Variants in COL4A1 observed in about 807,000 individuals in gnomAD.
The protein encoded by COL4A1 is collagen alpha-1(IV) chain.
In COL4A1, 40 loss-of-function variants were observed where a neutral mutation model predicts 216.6. The observed-to-expected ratio is 0.18, with a 90% confidence interval of 0.14 to 0.24. The LOEUF is 0.24. Ranked by LOEUF, COL4A1 falls within the 10% of genes least tolerant of loss-of-function variation. The pLI is 1.00. For synonymous variants in COL4A1, 839 were observed against 810.7 expected, an observed-to-expected ratio of 1.03 and a Z score of -0.59; for missense variants, 1,628 against 2,196.8, an observed-to-expected ratio of 0.74 and a Z score of 5.18.
At chr13:110,261,385 G>C (rs1882819663) in intron 1 of COL4A1, among the ~76,000 whole-genome samples, 1 of 152,204 alleles carries the variant, frequency 6.6e-6, no homozygotes, top group African/African-American at 2.4e-5. Flanking sequence ...CCACCTCTCG[G>C]ATTTGGGAGC....
At chr13:110,272,919 G>A (rs542004274) in intron 1 of COL4A1, among the ~76,000 whole-genome samples, 2 of 152,304 alleles carry the variant, frequency 1.3e-5, no homozygotes, top group Middle Eastern at 3.4e-3. Context: ...TGGACCCCAG[G>A]CATCGCTCCT....
At chr13:110,272,584 G>T (rs147017009) in intron 1 of COL4A1, among the ~76,000 whole-genome samples, 1 of 152,250 alleles carries the variant, frequency 6.6e-6, no homozygotes, top group African/African-American at 2.4e-5. Context: ...AAGAAAAGGG[G>T]GGGAACTCTT....
Position 110,211,888 on chromosome 13 carries a change from G to A in COL4A1, c.422C>T (p.Pro141Leu). ...ACTCACGGGATTTCCAGCGAAACCAGGCAAGCCAGGAGGCCCGAGCGGCCC... is the reference window on the plus strand; with the variant it reads ...ACTCACGGGATTTCCAGCGAAACCAAGCAAGCCAGGAGGCCCGAGCGGCCC... ...ERGPLGPPGL[P>L]GFAGNPGPPG... The change falls in exon 7 of 52, where the codon CCT becomes CTT. Residue 141 changes from proline (P) to leucine (L), a missense_variant. Transcript: ENST00000375820. This position sits in a 1 kb window ranked among gnomAD's most constrained non-coding sequence, Gnocchi z 4.3. 6.2e-7 allele frequency: 1 copy of A among 1,614,146 alleles called. No homozygotes were observed. The highest frequency in any genetic ancestry group is 8.5e-7 in the Non-Finnish European group (1 of 1,180,016).
At chr13:110,209,742 A>G in intron 10 of COL4A1, 1 of 757,370 alleles carries the variant, frequency 1.3e-6, no homozygotes, top group Non-Finnish European at 2.4e-6. Flanking sequence ...CCATGACTGC[A>G]TTATTTGTTT....
At position 110,169,624 on chromosome 13, in the gene COL4A1, C is replaced by G; in HGVS notation, c.3876+5G>C. ...AAAATAAAAATCTACAAATCAATAACTCACAGGCATGCCCTGGAATCCAGG... is the reference window on the plus strand; with the variant it reads ...AAAATAAAAATCTACAAATCAATAAGTCACAGGCATGCCCTGGAATCCAGG... On this transcript the variant is annotated splice_donor_5th_base_variant and intron_variant, in intron 43 of 51. Coordinates refer to ENST00000375820, the MANE Select transcript of COL4A1 (RefSeq NM_001845.6). The G allele has an allele frequency of 6.2e-7, 1 of 1,614,024 alleles. No homozygotes were observed. Among genetic ancestry groups the G allele is most frequent in the Non-Finnish European group, 8.5e-7 (1 of 1,180,008 alleles).
chr13:110,198,474 G>A lies in COL4A1; in HGVS notation c.1278C>T (p.Gly426=), dbSNP rs770791698. 4.3e-6 allele frequency: 7 copies of A among 1,613,662 alleles called. No individual in the cohort carries two copies. The highest frequency in any genetic ancestry group is 2.2e-5 in the East Asian group (1 of 44,876). The change falls in exon 21 of 52, where the codon GGC becomes GGT. Residue 426 remains glycine (G), a synonymous_variant. Transcript: ENST00000375820. The stretch of plus-strand genomic sequence containing the variant: ...ATTTCTGAGGGAACTCACTTGTGTA[G>A]CCAGGCTGCCCAGGGGGCCCAGGGG... ...PGSPGPPGQP[G]YTNGIVECQP...
At chr13:110,219,892 G>GTATATATATGTATATATGTGTGTA (rs1566386067) in intron 2 of COL4A1, among the ~76,000 whole-genome samples, 1 of 139,692 alleles carries the variant, frequency 7.2e-6, no homozygotes, top group Admixed American at 7.5e-5. Context: ...ATATATGTGT[G>GTATATATATGTATATATGTGTGTA]TATATATATG....
chr13:110,180,233 T>A (rs889088302), intron 29 of COL4A1, among the ~76,000 whole-genome samples: 1 of 152,220 alleles, frequency 6.6e-6, no homozygotes, highest in Non-Finnish European at 1.5e-5. Flanking sequence ...ATTAGGCATT[T>A]ACTAACTCCT....
chr13:110,205,125 T>C (rs1420136052), intron 17 of COL4A1, among the ~76,000 whole-genome samples: 1 of 152,180 alleles, frequency 6.6e-6, no homozygotes, highest in Non-Finnish European at 1.5e-5. Context: ...AATAATCTAC[T>C]ACCAAAAAAA....
chr13:110,272,899 T>A (rs190073111), intron 1 of COL4A1, among the ~76,000 whole-genome samples: 202 of 152,290 alleles, frequency 1.3e-3, no homozygotes, highest in South Asian at 2.5e-3. Flanking sequence ...TGGAAACTGA[T>A]AAGGGATGCT....
intron 1 of COL4A1, among the ~76,000 whole-genome samples, chr13:110,251,698 T>G (rs1882079314): frequency 1.3e-5 from 2 of 152,126 alleles, no homozygotes; most frequent in African/African-American, 4.8e-5. Flanking sequence ...GAACCCAGGA[T>G]GAGGGAAAGA....
At chr13:110,184,016 C>A (rs193299765) in intron 26 of COL4A1, among the ~76,000 whole-genome samples, 1 of 152,340 alleles carries the variant, frequency 6.6e-6, no homozygotes, top group Admixed American at 6.5e-5. Context: ...TCTTTAGCTA[C>A]AGACTGTGGG....
intron 1 of COL4A1, among the ~76,000 whole-genome samples, chr13:110,271,725 G>C (rs77482861): frequency 1.8e-4 from 27 of 152,162 alleles, no homozygotes; most frequent in Non-Finnish European, 3.5e-4. Context: ...GAAAGACACC[G>C]ATGGGACAAA....
chr13:110,161,086 G>A (rs1160551075), intron 49 of COL4A1, 106 bp downstream of exon 49: 2 of 1,134,850 alleles, frequency 1.8e-6, no homozygotes, highest in Non-Finnish European at 2.6e-6. Context: ...TAAGCTAAAT[G>A]GCAATGGATT....
chr13:110,228,887 T>C (rs776110854), intron 2 of COL4A1, among the ~76,000 whole-genome samples: 4 of 152,194 alleles, frequency 2.6e-5, no homozygotes, highest in Admixed American at 6.5e-5. Context: ...GATTAGCGAA[T>C]GGAAAAAACC....
chr13:110,172,340 T>C (rs958441749), intron 41 of COL4A1, among the ~76,000 whole-genome samples: 2 of 152,230 alleles, frequency 1.3e-5, no homozygotes, highest in Admixed American at 6.5e-5. Context: ...GGGCATGTTT[T>C]TGTCTCGTGG....
intron 43 of COL4A1, among the ~76,000 whole-genome samples, chr13:110,169,368 C>G (rs757857911): frequency 3.3e-5 from 5 of 152,190 alleles, no homozygotes; most frequent in Non-Finnish European, 7.4e-5. Flanking sequence ...TAACATTTCC[C>G]TTTTATGGTT....
intron 48 of COL4A1, 70 bp downstream of exon 48, chr13:110,162,160 C>T (rs1465321733): frequency 1.5e-6 from 2 of 1,375,004 alleles, no homozygotes; most frequent in Non-Finnish European, 2.1e-6. Context: ...AGAGGCGAGT[C>T]CAGCACTGCA....
intron 1 of COL4A1, among the ~76,000 whole-genome samples, chr13:110,290,522 G>A (rs1884042224): frequency 6.6e-6 from 1 of 151,990 alleles, no homozygotes; most frequent in Non-Finnish European, 1.5e-5. Flanking sequence ...CGGCTTCCTC[G>A]ATCCTTCCTT....
Sources: gnomAD v4.1 joint callset for allele counts (sites outside exome capture counted in the v4.1 genomes callset) on GRCh38, gnomAD v4.1.1 for gene constraint, Gnocchi (gnomAD v3.1) non-coding constraint, MANE v1.5 for transcripts, NCBI Gene and HGNC (gene_info 2026-07-23, HGNC 2026-07-21) for gene names.